The following RYR3 variants were observed in gnomAD, a reference collection of about 807,000 sequenced individuals.
The protein encoded by RYR3 is brain ryanodine receptor-calcium release channel.
A neutral mutation model predicts 584.3 loss-of-function variants in RYR3; 207 were observed. The observed-to-expected ratio is 0.35, with a 90% CI of 0.32 to 0.40. The LOEUF is 0.40. Ranked by LOEUF, RYR3 falls within the 10% of genes least tolerant of loss-of-function variation. The probability of loss-of-function intolerance (pLI) is 1.00; values close to 1 mark genes in which losing one functional copy is unlikely to be tolerated. For missense variants in RYR3, 5,616 were observed against 6,089.2 expected, an observed-to-expected ratio of 0.92 and a Z score of 2.59; for synonymous variants, 2,416 against 2,248.5, an observed-to-expected ratio of 1.07 and a Z score of -2.11.
chr15:33,601,374 G>T, intron 16 of RYR3, 45 bp from the exon 17 acceptor site: 1 of 1,599,176 alleles, frequency 6.3e-7, no homozygotes, highest in East Asian at 2.2e-5. Context: ...TGCCTGCTGT[G>T]CCCTCCTGGT....
In RYR3 at chr15:33,370,978, G is replaced by A. The variant is rs143729828; in HGVS notation, c.51+59882G>A. ...TGTTTTGTCCCTCACTTGATCCTTC[G>A]CTCCAAGAACAACAGTTTCTGGCAC... On this transcript the variant is annotated intron_variant, in intron 1 of 103. Transcript: ENST00000634891. Among the ~76,000 whole-genome samples, 314 of 152,234 alleles carry A rather than the reference G, an allele frequency of 2.1e-3. 1 individual carries two copies. The highest frequency in any genetic ancestry group is 2.9e-3 in the Non-Finnish European group (196 of 68,008).
intron 1 of RYR3, among the ~76,000 whole-genome samples, chr15:33,362,446 T>G (rs543991288): frequency 6.6e-6 from 1 of 152,176 alleles, no homozygotes; most frequent in Non-Finnish European, 1.5e-5. Flanking sequence ...AGCATCAGCA[T>G]CATCAGCATC....
At chr15:33,849,229 C>T (rs1049600348) in intron 94 of RYR3, 3 of 152,096 alleles carry the variant, frequency 2.0e-5, no homozygotes, top group South Asian at 2.1e-4. Context: ...TAAATAGAGC[C>T]GTCTGGTAGG....
intron 27 of RYR3, 32 bp downstream of exon 27, chr15:33,636,582 C>G: frequency 1.3e-6 from 2 of 1,539,388 alleles, no homozygotes; most frequent in East Asian, 2.3e-5. Context: ...AACCCCAGCT[C>G]CATGAGGCTG....
chr15:33,664,589 G>GTGTATATATATATATATATATA (rs577496539), intron 36 of RYR3, among the ~76,000 whole-genome samples: 118 of 91,314 alleles, frequency 1.3e-3, no homozygotes, highest in African/African-American at 2.3e-3. Flanking sequence ...GTGTGTGTGT[G>GTGTATATATATATATATATATA]TATATATATA....
chr15:33,345,428 G>A (rs968975408), intron 1 of RYR3, among the ~76,000 whole-genome samples: 12 of 152,130 alleles, frequency 7.9e-5, no homozygotes, highest in Admixed American at 5.2e-4. Flanking sequence ...GCTCACTGCA[G>A]CCTTGACCTC....
At chr15:33,460,962 T>TTTTTTTTTTTTA (rs1567286930) in intron 1 of RYR3, among the ~76,000 whole-genome samples, 1 of 141,244 alleles carries the variant, frequency 7.1e-6, no homozygotes. Context: ...TTTTTTTTTT[T>TTTTTTTTTTTTA]AAGACGGAGT....
intron 43 of RYR3, among the ~76,000 whole-genome samples, chr15:33,715,996 G>A (rs1395220430): frequency 6.6e-6 from 1 of 152,138 alleles, no homozygotes; most frequent in Non-Finnish European, 1.5e-5. Context: ...GATCATGGGG[G>A]CAGATGCCTC....
At chr15:33,818,365 A>T (rs1218260708) in intron 75 of RYR3, among the ~76,000 whole-genome samples, 1 of 152,216 alleles carries the variant, frequency 6.6e-6, no homozygotes, top group African/African-American at 2.4e-5. Context: ...GGCTGTAAAA[A>T]TAAAAAATAT....
At chr15:33,641,219 G>A (rs570855583) in intron 27 of RYR3, among the ~76,000 whole-genome samples, 5 of 152,208 alleles carry the variant, frequency 3.3e-5, no homozygotes, top group East Asian at 3.9e-4. Context: ...TTCAGTCCCC[G>A]TTGCTTGCTG....
In RYR3 at chr15:33,318,283, T is replaced by C. The variant is rs115141165; in HGVS notation, c.51+7187T>C. Reference sequence around the variant, plus strand: ...AGGCAGCACACCTGTTATAAAAGTGTAGAGATGAAAGTCTGGGTTGGTGTC... The same window carrying C: ...AGGCAGCACACCTGTTATAAAAGTGCAGAGATGAAAGTCTGGGTTGGTGTC... On this transcript the variant is annotated intron_variant, in intron 1 of 103. Coordinates refer to ENST00000634891, the MANE Select transcript of RYR3 (RefSeq NM_001036.6). 7.1e-3 allele frequency among the ~76,000 whole-genome samples: 1,083 copies of C among 152,322 alleles called. 12 individuals carry two copies. The highest frequency in any genetic ancestry group is 0.025 in the African/African-American group (1,051 of 41,578).
chr15:33,736,421 G>A, intron 49 of RYR3, 96 bp downstream of exon 49: 1 of 820,124 alleles, frequency 1.2e-6, no homozygotes, highest in East Asian at 2.7e-5. Flanking sequence ...AAAAATACAT[G>A]CTAAATGGGT....
At chr15:33,688,861 A>C (rs1027825290) in intron 38 of RYR3, among the ~76,000 whole-genome samples, 1 of 152,138 alleles carries the variant, frequency 6.6e-6, no homozygotes. Context: ...TTGATCCGGC[A>C]ATCCCATTAC....
chr15:33,388,068 T>C (rs1442344612), intron 1 of RYR3, among the ~76,000 whole-genome samples: 2 of 152,166 alleles, frequency 1.3e-5, no homozygotes, highest in Non-Finnish European at 2.9e-5. Flanking sequence ...TTCTGAATGT[T>C]CTGAACACCT....
At chr15:33,746,273 G>C (rs954149226) in intron 53 of RYR3, 116 bp downstream of exon 53, 4 of 767,816 alleles carry the variant, frequency 5.2e-6, no homozygotes, top group Non-Finnish European at 9.1e-6. Flanking sequence ...TCATCATCTA[G>C]GACTCAGTAA....
chr15:33,468,774 G>C (rs2048686875), intron 1 of RYR3, among the ~76,000 whole-genome samples: 1 of 152,178 alleles, frequency 6.6e-6, no homozygotes, highest in South Asian at 2.1e-4. Context: ...TGAGTATCAT[G>C]ATAGGCAGAA....
intron 39 of RYR3, 25 bp downstream of exon 39, chr15:33,696,516 G>A (rs886751933): frequency 2.5e-6 from 4 of 1,611,526 alleles, no homozygotes; most frequent in South Asian, 1.1e-5. Context: ...GTTACGTGCT[G>A]TTCTCTCTAG....
At chr15:33,770,404 G>T (rs1372044044) in intron 62 of RYR3, among the ~76,000 whole-genome samples, 1 of 152,158 alleles carries the variant, frequency 6.6e-6, no homozygotes, top group African/African-American at 2.4e-5. Flanking sequence ...TTAAATGAAG[G>T]TCAGTTGCAG....
At chr15:33,661,551 G>T (rs987677039) in intron 34 of RYR3, among the ~76,000 whole-genome samples, 3 of 152,092 alleles carry the variant, frequency 2.0e-5, no homozygotes, top group Non-Finnish European at 4.4e-5. Context: ...TGGTGGGTGA[G>T]GCTGGGGGAG....
Sources: gnomAD v4.1 joint callset for allele counts (sites outside exome capture counted in the v4.1 genomes callset) on GRCh38, gnomAD v4.1.1 for gene constraint, MANE v1.5 for transcripts, NCBI Gene and HGNC (gene_info 2026-07-23, HGNC 2026-07-21) for gene names.